Variants in ZNF544 observed in about 807,000 individuals in gnomAD.
ZNF544 encodes the protein zinc finger protein 544.
ZNF544 carries 10 observed loss-of-function variants against 13.5 expected under a neutral mutation model. The ratio of observed to expected loss-of-function variants is 0.74; its 90% CI spans 0.46 to 1.25. The LOEUF is 1.25. Ranked by LOEUF, ZNF544 falls within the 50% of genes most tolerant of loss-of-function variation. The probability of loss-of-function intolerance (pLI) is 0.00; values close to 1 mark genes in which losing one functional copy is unlikely to be tolerated. For missense variants in ZNF544, 896 were observed against 845.6 expected, an observed-to-expected ratio of 1.06 and a Z score of -0.74; for synonymous variants, 323 against 300.5, an observed-to-expected ratio of 1.07 and a Z score of -0.77.
chr19:58,238,149 C>A (rs1252144582), intron 3 of ZNF544, among the ~76,000 whole-genome samples: 2 of 152,266 alleles, frequency 1.3e-5, no homozygotes, highest in East Asian at 3.9e-4. Context: ...TCAGGCTGGT[C>A]TTGAACTCCT....
At chr19:58,239,974 C>T (rs1012149643) in intron 3 of ZNF544, among the ~76,000 whole-genome samples, 4 of 152,100 alleles carry the variant, frequency 2.6e-5, no homozygotes, top group African/African-American at 9.7e-5. Context: ...GACCAGCATT[C>T]AGCTCATTCA....
In ZNF544 at chr19:58,263,046, G is replaced by C; in HGVS notation, c.*292G>C. 1.8e-6 allele frequency: 2 copies of C among 1,131,772 alleles called. No individual in the cohort carries two copies. Among genetic ancestry groups the C allele is most frequent in the Non-Finnish European group, 2.2e-6 (2 of 920,542 alleles). 70.1% of individuals were successfully genotyped at this position (1,131,772 alleles called of 1,614,324 possible). On this transcript the variant is annotated 3_prime_UTR_variant, in exon 7 of 7. Coordinates refer to ENST00000687789, the MANE Select transcript of ZNF544 (RefSeq NM_014480.4). ...TTTAGCCAACGGTGTCAACTTACTA[G>C]GCAGCAGAGAATTCATACTGGAGAG... is the stretch of plus-strand genomic sequence containing the variant.
intron 3 of ZNF544, among the ~76,000 whole-genome samples, chr19:58,242,615 G>A (rs1053116089): frequency 6.6e-6 from 1 of 151,604 alleles, no homozygotes. Flanking sequence ...TAGGGCTCAT[G>A]CGATCATCTC....
intron 3 of ZNF544, among the ~76,000 whole-genome samples, chr19:58,234,753 C>G (rs2042044286): frequency 6.6e-6 from 1 of 152,190 alleles, no homozygotes; most frequent in Admixed American, 6.5e-5. Flanking sequence ...TGGAAAACTC[C>G]TAAATATTCA....
At position 58,235,415 on chromosome 19, in the gene ZNF544, C is replaced by T. The variant is rs138663636; in HGVS notation, c.-60+4953C>T. 9.5e-4 allele frequency among the ~76,000 whole-genome samples: 145 copies of T among 152,312 alleles called. 1 individual carries two copies. The highest frequency in any genetic ancestry group is 2.7e-3 in the African/African-American group (112 of 41,564). ...CACTGACCAGAACGTCATTATGGGGCACATGACGGTAGGCACAAAATAGTA... is the reference window on the plus strand; with the variant it reads ...CACTGACCAGAACGTCATTATGGGGTACATGACGGTAGGCACAAAATAGTA... On this transcript the variant is annotated intron_variant, in intron 3 of 6. Transcript: ENST00000687789.
intron 3 of ZNF544, among the ~76,000 whole-genome samples, chr19:58,235,727 A>G (rs749906408): frequency 6.6e-6 from 1 of 152,202 alleles, no homozygotes; most frequent in African/African-American, 2.4e-5. Context: ...GTATTTGTCA[A>G]TTAAAAAATA....
At chr19:58,245,687 G>C (rs914881446) in intron 4 of ZNF544, 1 of 159,848 alleles carries the variant, frequency 6.3e-6, no homozygotes, top group African/African-American at 2.4e-5. Context: ...TTAGCCTTTT[G>C]AAAACACACC....
rs766168707 is a variant in ZNF544 at position 58,262,141 on chromosome 19, G to A, written c.1535G>A (p.Arg512Lys). The stretch of plus-strand genomic sequence containing the variant: ...AAGTATGACCTTGTTGTACATCAGA[G>A]GACACACACTGGAGAGAAGCCCTAT... ...SQKYDLVVHQ[R>K]THTGEKPYEC... Residue 512 changes from arginine to lysine, a missense_variant, in exon 7 of 7, where the codon AGG (arginine) becomes AAG (lysine). Coordinates refer to ENST00000687789, the MANE Select transcript of ZNF544 (RefSeq NM_014480.4). 8 of 1,613,140 alleles carry A rather than the reference G, an allele frequency of 5.0e-6. No individual in the cohort carries two copies. The South Asian group carries it at 5.5e-5, about 11-fold the overall frequency.
At chr19:58,229,924 G>A (rs2040849678) in intron 2 of ZNF544, 1 of 152,724 alleles carries the variant, frequency 6.5e-6, no homozygotes, top group South Asian at 2.1e-4. Context: ...ACAGGAAGGA[G>A]TGGAGGAAGA....
chr19:58,238,098 A>T (rs1305284539), intron 3 of ZNF544, among the ~76,000 whole-genome samples: 2 of 152,010 alleles, frequency 1.3e-5, no homozygotes, highest in Non-Finnish European at 2.9e-5. Flanking sequence ...ACGCCCGGCT[A>T]ATTTTGTATT....
rs2049011837 is a variant in ZNF544 at position 58,261,792 on chromosome 19, GT to G, written c.1187del (p.Val396AlafsTer84). On this transcript the variant is annotated frameshift_variant, in exon 7 of 7. Coordinates refer to ENST00000687789, the MANE Select transcript of ZNF544 (RefSeq NM_014480.4). LOFTEE classifies it low-confidence loss of function (END_TRUNC). ...GKSFSQSYDL[V>X]IHQRTHTGEK... is the part of the protein sequence containing the mutation. ...ATCTTTTAGCCAGAGCTATGACCTT[GT>G]CATACATCAGAGGACACACACTGGA... 2 of 1,613,862 alleles carry G rather than the reference GT, an allele frequency of 1.2e-6. No homozygotes were observed. The highest frequency in any genetic ancestry group is 2.7e-5 in the African/African-American group (2 of 74,850).
At chr19:58,251,123 A>G (rs906362377) in intron 6 of ZNF544, among the ~76,000 whole-genome samples, 4 of 152,212 alleles carry the variant, frequency 2.6e-5, no homozygotes, top group African/African-American at 9.7e-5. Flanking sequence ...TGCTTGTTAT[A>G]AGAATTAATT....
chr19:58,275,807 AG>A (rs1214076360), intron 5 of ZNF544, among the ~76,000 whole-genome samples: 8 of 124,222 alleles, frequency 6.4e-5, no homozygotes, highest in East Asian at 3.2e-4. Flanking sequence ...AAAAAAGGAA[AG>A]AGGAAATAAT....
intron 6 of ZNF544, among the ~76,000 whole-genome samples, chr19:58,250,307 T>C (rs1267108528): frequency 6.6e-6 from 1 of 152,204 alleles, no homozygotes; most frequent in African/African-American, 2.4e-5. Context: ...TGGAGGTAAT[T>C]AGGCTTAGTG....
chr19:58,268,529 A>G (rs2050222440), downstream of ZNF544, among the ~76,000 whole-genome samples: 1 of 152,348 alleles, frequency 6.6e-6, no homozygotes, highest in African/African-American at 2.4e-5. Context: ...GGTGCTCATC[A>G]CAGATGGAAC....
chr19:58,266,332 A>G (rs538799687), downstream of ZNF544, among the ~76,000 whole-genome samples: 319 of 150,272 alleles, frequency 2.1e-3, 1 homozygote, highest in Non-Finnish European at 4.0e-3. Context: ...TGGCTAACAC[A>G]GTGAAACCCC....
At chr19:58,247,795 C>T (rs553757065) in intron 6 of ZNF544, among the ~76,000 whole-genome samples, 154 of 152,166 alleles carry the variant, frequency 1.0e-3, no homozygotes, top group Admixed American at 3.1e-3. Flanking sequence ...GGTAAGTTGA[C>T]GAGAAAGTGC....
downstream of ZNF544, among the ~76,000 whole-genome samples, chr19:58,265,933 G>A (rs899860482): frequency 1.3e-5 from 2 of 151,902 alleles, no homozygotes; most frequent in East Asian, 3.9e-4. Flanking sequence ...GGGTGAGCAT[G>A]GTGGCTTATG....
At chr19:58,246,561 C>T (rs527436736) in intron 5 of ZNF544, 134 bp downstream of exon 5, 441 of 1,474,646 alleles carry the variant, frequency 3.0e-4, no homozygotes, top group Non-Finnish European at 3.7e-4. Context: ...CAGGGGTTGC[C>T]CTTCATTCTA....
Sources: allele counts gnomAD v4.1 joint callset (sites outside exome capture counted in the v4.1 genomes callset), GRCh38; gene constraint gnomAD v4.1.1; transcripts MANE v1.5; gene names NCBI Gene and HGNC (gene_info 2026-07-23, HGNC 2026-07-21).